NFATC1: variants seen among roughly 807,000 people sequenced by gnomAD.
NFATC1 encodes the protein nuclear factor of activated T-cells, cytoplasmic 1.
In NFATC1, 22 loss-of-function variants were observed where a neutral mutation model predicts 76.0. The ratio of observed to expected loss-of-function variants is 0.29; its 90% confidence interval spans 0.21 to 0.41. The LOEUF is 0.41. NFATC1 is among the 10% of genes least tolerant of loss of function. NFATC1 has a pLI of 1.00. For missense variants in NFATC1, 1,357 were observed against 1,337.7 expected, an observed-to-expected ratio of 1.01 and a Z score of -0.23; for synonymous variants, 704 against 613.1, an observed-to-expected ratio of 1.15 and a Z score of -2.19.
intron 9 of NFATC1, chr18:79,493,542 C>G (rs954048612): frequency 6.6e-6 from 1 of 152,260 alleles, no homozygotes. Context: ...ATTAAAACAA[C>G]GAGCAGGTAG....
rs1475437020 is a variant in NFATC1 at position 79,465,709 on chromosome 18, G to A, written c.1960-1741G>A. ...TGCTTCTGCTCTAAAGACCCACCTGGTGTAGCTGCTGACTCCATCGCAGCT... is the reference window on the plus strand; with the variant it reads ...TGCTTCTGCTCTAAAGACCCACCTGATGTAGCTGCTGACTCCATCGCAGCT... On this transcript the variant is annotated intron_variant, in intron 7 of 9. Transcript: ENST00000427363. This position sits in a 1 kb window ranked among gnomAD's most constrained non-coding sequence, Gnocchi z 4.2. Among the ~76,000 whole-genome samples, 1 of 152,232 alleles carries A rather than the reference G, an allele frequency of 6.6e-6. No homozygotes were observed. Among genetic ancestry groups the A allele is most frequent in the Non-Finnish European group, 1.5e-5 (1 of 68,046 alleles).
chr18:79,405,023 A>G (rs2085386629), intron 1 of NFATC1, among the ~76,000 whole-genome samples: 1 of 152,192 alleles, frequency 6.6e-6, no homozygotes, highest in Non-Finnish European at 1.5e-5. Flanking sequence ...AACAGCTCTG[A>G]CATGTGGAAC....
At chr18:79,436,592 G>C (rs944368201) in intron 3 of NFATC1, among the ~76,000 whole-genome samples, 1 of 152,214 alleles carries the variant, frequency 6.6e-6, no homozygotes, top group Admixed American at 6.5e-5. Context: ...CATGTGTTTC[G>C]CAGTTGGGAA....
At chr18:79,431,947 C>T (rs1479638607) in intron 2 of NFATC1, among the ~76,000 whole-genome samples, 2 of 152,204 alleles carry the variant, frequency 1.3e-5, no homozygotes, top group South Asian at 2.1e-4. Context: ...GTGATCCACC[C>T]GCCTCGGCCT....
intron 1 of NFATC1, among the ~76,000 whole-genome samples, chr18:79,409,549 CA>C (rs2085584330): frequency 1.3e-5 from 2 of 152,202 alleles, no homozygotes; most frequent in Non-Finnish European, 2.9e-5. Flanking sequence ...TTCATCCACC[CA>C]CCCATAATCC....
chr18:79,491,040 C>T (rs957084266), intron 9 of NFATC1, among the ~76,000 whole-genome samples: 1 of 151,622 alleles, frequency 6.6e-6, no homozygotes, highest in Non-Finnish European at 1.5e-5. Context: ...GGAGAGGGAG[C>T]CCAGACCCCA....
chr18:79,452,126 T>G, intron 6 of NFATC1: 1 of 223,228 alleles, frequency 4.5e-6, no homozygotes, highest in Non-Finnish European at 8.8e-6. Context: ...CAAGACGCAT[T>G]TGCTGGCTTT....
intron 1 of NFATC1, among the ~76,000 whole-genome samples, chr18:79,397,899 G>C (rs377714258): frequency 1.3e-5 from 2 of 152,204 alleles, no homozygotes. Context: ...GCCGGGCAGC[G>C]ACGCCCGACC....
chr18:79,526,955 C>A (rs62096933), intron 9 of NFATC1, among the ~76,000 whole-genome samples: 1 of 152,170 alleles, frequency 6.6e-6, no homozygotes, highest in Non-Finnish European at 1.5e-5. Context: ...CCTATCTCAG[C>A]GCCCATCAGG....
At position 79,441,371 on chromosome 18, in the gene NFATC1, G is replaced by A. The variant is rs767448429; in HGVS notation, c.1387-7411G>A. ...TGCACATGGCTGCTGGGCGGGCAGC[G>A]CTCCTGGGCCTCTCTCCCCCGTGAT... On this transcript the variant is annotated intron_variant, in intron 3 of 9. Coordinates refer to ENST00000427363, the MANE Select transcript of NFATC1 (RefSeq NM_001278669.2). Among the ~76,000 whole-genome samples the A allele has an allele frequency of 1.1e-4, 17 of 152,280 alleles. No homozygotes were observed. The South Asian group carries it at 1.4e-3, about 13-fold the overall frequency.
chr18:79,507,120 G>C (rs1482054968), intron 9 of NFATC1, among the ~76,000 whole-genome samples: 1 of 152,234 alleles, frequency 6.6e-6, no homozygotes, highest in Admixed American at 6.5e-5. Context: ...CAGGCACTGC[G>C]GGGAGGGGGT....
intron 3 of NFATC1, among the ~76,000 whole-genome samples, chr18:79,441,163 C>A (rs2086960546): frequency 6.6e-6 from 1 of 152,310 alleles, no homozygotes; most frequent in Admixed American, 6.5e-5. Flanking sequence ...AGGCCATGTC[C>A]TAGGGAAATA....
At chr18:79,518,262 C>G (rs1319498413) in intron 9 of NFATC1, among the ~76,000 whole-genome samples, 1 of 152,218 alleles carries the variant, frequency 6.6e-6, no homozygotes, top group African/African-American at 2.4e-5. Context: ...TTCATGGCAG[C>G]CGCTGCGTCC....
intron 9 of NFATC1, among the ~76,000 whole-genome samples, chr18:79,520,644 G>GTA (rs2090507403): frequency 1.4e-5 from 1 of 70,936 alleles, no homozygotes. Context: ...GTGTGTCTGT[G>GTA]TGTCGGGGGG....
At chr18:79,399,479 G>C (rs532054125) in intron 1 of NFATC1, among the ~76,000 whole-genome samples, 1 of 152,272 alleles carries the variant, frequency 6.6e-6, no homozygotes, top group Non-Finnish European at 1.5e-5. Context: ...CACATGTCGG[G>C]TGTATATGGT....
At chr18:79,415,677 G>C (rs1291586834) in intron 2 of NFATC1, among the ~76,000 whole-genome samples, 2 of 152,166 alleles carry the variant, frequency 1.3e-5, no homozygotes, top group African/African-American at 4.8e-5. Context: ...GAATTCCTAA[G>C]GGGCGAGATA....
In NFATC1 at chr18:79,448,898, C is replaced by T. The variant is rs773246616; in HGVS notation, c.1503C>T (p.Thr501=). ...AGGTGCACCGCATCACAGGGAAGACCGTGTCCACCACCAGCCACGAGGCCA... is the reference window on the plus strand; with the variant it reads ...AGGTGCACCGCATCACAGGGAAGACTGTGTCCACCACCAGCCACGAGGCCA... ...FYQVHRITGK[T]VSTTSHEAIL... is the part of the protein sequence containing the mutation. The change falls in exon 4 of 10, where the codon ACC becomes ACT. Residue 501 remains threonine (T), a synonymous_variant. Coordinates refer to ENST00000427363, the MANE Select transcript of NFATC1 (RefSeq NM_001278669.2). The T allele has an allele frequency of 5.0e-6, 8 of 1,613,680 alleles. No homozygotes were observed. The Admixed American group carries it at 5.0e-5, about 10-fold the overall frequency.
intron 6 of NFATC1, among the ~76,000 whole-genome samples, chr18:79,459,118 A>G (rs1317324187): frequency 6.6e-6 from 1 of 152,154 alleles, no homozygotes; most frequent in African/African-American, 2.4e-5. Flanking sequence ...GGTTCCCCGC[A>G]CTTTTAGGGG....
intron 3 of NFATC1, among the ~76,000 whole-genome samples, chr18:79,441,899 C>T (rs1187918864): frequency 6.6e-6 from 1 of 152,040 alleles, no homozygotes; most frequent in Non-Finnish European, 1.5e-5. Context: ...TAAATCTAAA[C>T]GTGGTGTTTC....
Sources: gnomAD v4.1 joint callset for allele counts (sites outside exome capture counted in the v4.1 genomes callset) on GRCh38, gnomAD v4.1.1 for gene constraint, Gnocchi (gnomAD v3.1) non-coding constraint, MANE v1.5 for transcripts, NCBI Gene and HGNC (gene_info 2026-07-23, HGNC 2026-07-21) for gene names.